The following DGKD variants were observed in gnomAD, a reference collection of about 807,000 sequenced individuals.
DGKD encodes diacylglycerol kinase delta.
DGKD carries 68 observed loss-of-function variants against 154.4 expected under a neutral mutation model. The ratio of observed to expected loss-of-function variants is 0.44; its 90% CI spans 0.36 to 0.54. DGKD has a LOEUF of 0.54. DGKD is among the 20% of genes least tolerant of loss of function. The pLI is 0.00. For missense variants in DGKD, 1,343 were observed against 1,593.6 expected (o/e 0.84, Z 2.68); for synonymous variants, 693 against 638.0 (o/e 1.09, Z -1.30).
intron 3 of DGKD, among the ~76,000 whole-genome samples, chr2:233,425,069 A>G (rs991881418): frequency 6.6e-6 from 1 of 151,986 alleles, no homozygotes; most frequent in East Asian, 1.9e-4. Context: ...GTATTTTCTC[A>G]TTTCTCTTGG....
intron 3 of DGKD, among the ~76,000 whole-genome samples, chr2:233,409,262 G>A (rs191701295): frequency 4.6e-5 from 7 of 152,284 alleles, no homozygotes; most frequent in East Asian, 3.9e-4. Context: ...CAAGTGTAGC[G>A]TACTTGTTAA....
At chr2:233,462,599 G>T (rs760343265) in intron 25 of DGKD, 44 bp from the exon 26 acceptor site, 128 of 1,595,386 alleles carry the variant, frequency 8.0e-5, no homozygotes, top group Non-Finnish European at 1.0e-4. Context: ...AACCGTGCAT[G>T]TTCGGCCCCC....
chr2:233,461,405 C>T (rs941573305), intron 24 of DGKD, among the ~76,000 whole-genome samples: 1 of 152,274 alleles, frequency 6.6e-6, no homozygotes, highest in Admixed American at 6.5e-5. Context: ...CAGCCTTCGG[C>T]TCTTGTCGAG....
At chr2:233,442,323 C>T in intron 10 of DGKD, 1 of 451,930 alleles carries the variant, frequency 2.2e-6, no homozygotes, top group South Asian at 2.0e-5. Flanking sequence ...GTCTTGAGGC[C>T]TCTTGCTTGT....
chr2:233,363,911 C>T (rs1420975802), intron 1 of DGKD, among the ~76,000 whole-genome samples: 1 of 152,198 alleles, frequency 6.6e-6, no homozygotes, highest in Non-Finnish European at 1.5e-5. Flanking sequence ...GTGATGTTCA[C>T]ATAGGATGAA....
At chr2:233,434,932 A>G in intron 5 of DGKD, 31 bp downstream of exon 5, 1 of 1,592,606 alleles carries the variant, frequency 6.3e-7, no homozygotes, top group Non-Finnish European at 8.6e-7. Context: ...TTCTGTCAGG[A>G]AAGGTGGCCT....
intron 1 of DGKD, 44 bp from the exon 2 acceptor site, chr2:233,388,213 C>A: frequency 6.3e-7 from 1 of 1,593,906 alleles, no homozygotes; most frequent in Non-Finnish European, 8.5e-7. Context: ...AGTGAAAGGG[C>A]ACCTTGAAAA....
In DGKD at chr2:233,470,282, G is replaced by A. The variant is rs1342565785; in HGVS notation, c.*822G>A. The A allele has an allele frequency of 6.6e-6, 1 of 152,502 alleles. No homozygotes were observed. The highest frequency in any genetic ancestry group is 1.5e-5 in the Non-Finnish European group (1 of 68,136). The allele number at this position is 152,502 out of a possible 1,614,324, so 9.4% of individuals were successfully genotyped here. A position where few individuals can be genotyped will look rare whatever the true frequency, so the allele number is the denominator to read the frequency against. ...GCCAGCTGCATCCCTGCAGACAGAG[G>A]ATGTGTGTCCACATGAGTGTTTCTG... On this transcript the variant is annotated 3_prime_UTR_variant, in exon 30 of 30. Coordinates refer to ENST00000264057, the MANE Select transcript of DGKD (RefSeq NM_152879.3).
chr2:233,378,253 A>G (rs995305165), intron 1 of DGKD, among the ~76,000 whole-genome samples: 1 of 152,002 alleles, frequency 6.6e-6, no homozygotes, highest in Non-Finnish European at 1.5e-5. Context: ...TCTTTACTAA[A>G]ATACAAAAAT....
intron 1 of DGKD, among the ~76,000 whole-genome samples, chr2:233,375,524 G>A (rs73995922): frequency 0.033 from 5,051 of 152,138 alleles, 277 homozygotes; most frequent in African/African-American, 0.12. Context: ...GGGGAGAGGA[G>A]GTTGAATGCT....
intron 26 of DGKD, among the ~76,000 whole-genome samples, 157 bp downstream of exon 26, chr2:233,462,892 C>G (rs2063695443): frequency 6.6e-6 from 1 of 152,220 alleles, no homozygotes; most frequent in East Asian, 1.9e-4. Flanking sequence ...GCGGCTGGTG[C>G]CCACCCCTGC....
intron 1 of DGKD, among the ~76,000 whole-genome samples, chr2:233,363,051 A>G (rs1701857601): frequency 6.6e-6 from 1 of 152,248 alleles, no homozygotes; most frequent in Non-Finnish European, 1.5e-5. Flanking sequence ...TTATGTATTT[A>G]CTATCTATAC....
In DGKD at chr2:233,464,128, T is replaced by A. The variant is rs769382126; in HGVS notation, c.3187-36T>A. 78 of 1,612,642 alleles carry A rather than the reference T, an allele frequency of 4.8e-5. No individual in the cohort carries two copies. The Admixed American group carries it at 1.1e-3, about 23-fold the overall frequency. On this transcript the variant is annotated intron_variant, in intron 26 of 29. Coordinates refer to ENST00000264057, the MANE Select transcript of DGKD (RefSeq NM_152879.3). The stretch of plus-strand genomic sequence containing the variant: ...CCTCGCGCTGATCAGCAGTGCACAC[T>A]CTCCATTTCTCTCTCCCTCCCTCCG...
chr2:233,450,770 C>T, intron 16 of DGKD, 152 bp from the exon 17 acceptor site: 2 of 957,174 alleles, frequency 2.1e-6, no homozygotes, highest in Non-Finnish European at 3.1e-6. Flanking sequence ...GGTCCTCCGC[C>T]CCCTTCTTTG....
chr2:233,405,081 C>G (rs912121854), intron 3 of DGKD, among the ~76,000 whole-genome samples: 1 of 151,950 alleles, frequency 6.6e-6, no homozygotes, highest in Non-Finnish European at 1.5e-5. Context: ...TAATGGGGAT[C>G]AAAAATAAAG....
In DGKD at chr2:233,436,055, A is replaced by G. The variant is rs558892933; in HGVS notation, c.693+131A>G. ...TGGTCACACTGGCATTGGGTGGCAC[A>G]GTGGAAATTATATGCGGTCTCCGTG... On this transcript the variant is annotated intron_variant, in intron 6 of 29. Transcript: ENST00000264057. The G allele has an allele frequency of 2.7e-6, 3 of 1,096,990 alleles. No homozygotes were observed. The South Asian group carries it at 4.7e-5, about 17-fold the overall frequency. The allele number at this position is 1,096,990 out of a possible 1,614,324, so 68.0% of individuals were successfully genotyped here. A position where few individuals can be genotyped will look rare whatever the true frequency, so the allele number is the denominator to read the frequency against.
chr2:233,452,113 A>G lies in DGKD; in HGVS notation c.2264+53A>G. On this transcript the variant is annotated intron_variant, in intron 18 of 29. Transcript: ENST00000264057. This position sits in a 1 kb window ranked among gnomAD's most constrained non-coding sequence, Gnocchi z 4.0. The stretch of plus-strand genomic sequence containing the variant: ...CATATTGTTACATGGCTGCTAGTGC[A>G]TAGAAAACAGATCTCAGGATTAACT... 2 of 1,496,480 alleles carry G rather than the reference A, an allele frequency of 1.3e-6. No individual in the cohort carries two copies. The highest frequency in any genetic ancestry group is 1.9e-6 in the Non-Finnish European group (2 of 1,073,712). The allele number at this position is 1,496,480 out of a possible 1,614,324, so 92.7% of individuals were successfully genotyped here. A position where few individuals can be genotyped will look rare whatever the true frequency, so the allele number is the denominator to read the frequency against.
At chr2:233,419,859 T>A (rs2062058704) in intron 3 of DGKD, among the ~76,000 whole-genome samples, 1 of 152,020 alleles carries the variant, frequency 6.6e-6, no homozygotes, top group Admixed American at 6.5e-5. Context: ...GGGTGTGATG[T>A]TGGTTTGTGG....
chr2:233,468,027 C>T (rs2063881029), intron 28 of DGKD, among the ~76,000 whole-genome samples: 1 of 152,086 alleles, frequency 6.6e-6, no homozygotes, highest in South Asian at 2.1e-4. Context: ...GGTGGTAAAT[C>T]CCTCCTGGGA....
Sources: gnomAD v4.1 joint callset for allele counts (sites outside exome capture counted in the v4.1 genomes callset) on GRCh38, gnomAD v4.1.1 for gene constraint, Gnocchi (gnomAD v3.1) non-coding constraint, MANE v1.5 for transcripts, NCBI Gene and HGNC (gene_info 2026-07-23, HGNC 2026-07-21) for gene names.